TEKT5: variants seen among roughly 807,000 people sequenced by gnomAD.
The protein encoded by TEKT5 is tektin-5.
In TEKT5, 52 loss-of-function variants were observed where a neutral mutation model predicts 48.7. The ratio of observed to expected loss-of-function variants is 1.07; its 90% CI spans 0.86 to 1.35. The LOEUF (loss-of-function observed/expected upper bound fraction) is 1.35. TEKT5 is among the 40% of genes most tolerant of loss of function. The pLI, the probability that TEKT5 is intolerant of heterozygous loss-of-function variation, is 0.00. For missense variants in TEKT5, 831 were observed against 641.6 expected (o/e 1.30, Z -3.19); for synonymous variants, 318 against 267.6 (o/e 1.19, Z -1.84).
intron 5 of TEKT5, among the ~76,000 whole-genome samples, chr16:10,667,334 C>A (rs1898474859): frequency 6.6e-6 from 1 of 152,178 alleles, no homozygotes. Flanking sequence ...GAACTGTAAC[C>A]TAACTGGATG....
At position 10,694,763 on chromosome 16, in the gene TEKT5, C is replaced by T. The variant is rs915893411; in HGVS notation, c.111G>A (p.Gln37=). 9.9e-6 allele frequency: 16 copies of T among 1,614,082 alleles called. No individual in the cohort carries two copies. The highest frequency in any genetic ancestry group is 1.4e-5 in the Non-Finnish European group (16 of 1,179,980). ...AGCGGTACCCGGGCAGGTAGTAGGG[C>T]TGATAGCATTCCTGGATCACTGGCG... ...VQAPVIQECY[Q]PYYLPGYRYL... The change falls in exon 1 of 7, where the codon CAG becomes CAA. Residue 37 remains glutamine, a synonymous_variant. Transcript: ENST00000283025.
chr16:10,636,609 G>C (rs1185530455), intron 5 of TEKT5, among the ~76,000 whole-genome samples: 2 of 151,766 alleles, frequency 1.3e-5, no homozygotes, highest in African/African-American at 2.4e-5. Context: ...GATTGACAGA[G>C]ACTGTTAATC....
chr16:10,675,179 T>C (rs1175349658), intron 5 of TEKT5, among the ~76,000 whole-genome samples: 3 of 152,186 alleles, frequency 2.0e-5, no homozygotes, highest in Non-Finnish European at 2.9e-5. Context: ...TCCCTCTGAC[T>C]TGACTATCAT....
chr16:10,688,890 G>A (rs1056339609), intron 3 of TEKT5, among the ~76,000 whole-genome samples: 3 of 152,192 alleles, frequency 2.0e-5, no homozygotes, highest in African/African-American at 7.2e-5. Context: ...CTCAAATGGG[G>A]AAGCCACAGG....
chr16:10,643,380 T>TAA (rs796677368), intron 5 of TEKT5, among the ~76,000 whole-genome samples: 1 of 144,756 alleles, frequency 6.9e-6, no homozygotes, highest in African/African-American at 2.5e-5. Context: ...CTCCGTCTCT[T>TAA]AAAAAAAAAA....
chr16:10,664,358 A>T (rs1596410873), intron 5 of TEKT5, among the ~76,000 whole-genome samples: 1 of 152,330 alleles, frequency 6.6e-6, no homozygotes, highest in Non-Finnish European at 1.5e-5. Context: ...GTTAAAACTC[A>T]GATCGCTAGA....
At chr16:10,689,352 T>C (rs1049853107) in intron 2 of TEKT5, 29 bp from the exon 3 acceptor site, 3 of 1,587,350 alleles carry the variant, frequency 1.9e-6, no homozygotes, top group Admixed American at 1.7e-5. Flanking sequence ...GAAAGAGCAG[T>C]GCCTCTTAGA....
At chr16:10,637,211 T>C (rs8054342) in intron 5 of TEKT5, among the ~76,000 whole-genome samples, 27,348 of 151,396 alleles carry the variant, frequency 0.18, 2,892 homozygotes, top group African/African-American at 0.28. Context: ...GATTTTTGTA[T>C]TTTTAGTACA....
At chr16:10,659,491 T>G (rs1898323920) in intron 5 of TEKT5, among the ~76,000 whole-genome samples, 1 of 152,172 alleles carries the variant, frequency 6.6e-6, no homozygotes. Flanking sequence ...ACCATTCTCC[T>G]GCCTCAGCCT....
chr16:10,649,143 G>C (rs988860025), intron 5 of TEKT5, among the ~76,000 whole-genome samples: 2 of 151,898 alleles, frequency 1.3e-5, no homozygotes, highest in African/African-American at 4.8e-5. Context: ...TGTAGAAATT[G>C]GATCTCACTA....
chr16:10,648,041 C>T (rs1018048702), intron 5 of TEKT5, among the ~76,000 whole-genome samples: 2 of 152,338 alleles, frequency 1.3e-5, no homozygotes, highest in Admixed American at 1.3e-4. Flanking sequence ...CATCACAGAA[C>T]TCAAGTCCCT....
At chr16:10,646,594 A>ATT (rs574204697) in intron 5 of TEKT5, among the ~76,000 whole-genome samples, 2 of 151,232 alleles carry the variant, frequency 1.3e-5, no homozygotes, top group Non-Finnish European at 3.0e-5. Flanking sequence ...TTAAAACAGA[A>ATT]TTTTTTTTTT....
chr16:10,634,096 C>T (rs1216632243), intron 6 of TEKT5, among the ~76,000 whole-genome samples: 1 of 152,184 alleles, frequency 6.6e-6, no homozygotes, highest in Non-Finnish European at 1.5e-5. Context: ...AAGACCTGTG[C>T]TCCCTGCCCA....
At chr16:10,637,922 C>T (rs1316961548) in intron 5 of TEKT5, among the ~76,000 whole-genome samples, 2 of 152,142 alleles carry the variant, frequency 1.3e-5, no homozygotes, top group Non-Finnish European at 2.9e-5. Flanking sequence ...ATGATCTTCC[C>T]GCCTCAGCCT....
intron 3 of TEKT5, among the ~76,000 whole-genome samples, chr16:10,684,207 C>T (rs942276935): frequency 2.6e-5 from 4 of 152,170 alleles, no homozygotes; most frequent in African/African-American, 7.2e-5. Flanking sequence ...GAGTAACTTC[C>T]ATTAAGTGAG....
At chr16:10,644,626 C>T (rs946979611) in intron 5 of TEKT5, among the ~76,000 whole-genome samples, 2 of 152,154 alleles carry the variant, frequency 1.3e-5, no homozygotes, top group Non-Finnish European at 2.9e-5. Flanking sequence ...TGTCTCCAGA[C>T]CCTATGGGGG....
At chr16:10,641,614 G>A (rs1897995504) in intron 5 of TEKT5, among the ~76,000 whole-genome samples, 1 of 152,144 alleles carries the variant, frequency 6.6e-6, no homozygotes, top group Non-Finnish European at 1.5e-5. Context: ...GAGTCCAGGA[G>A]TTTGAGACCA....
At chr16:10,686,406 G>A (rs995615078) in intron 3 of TEKT5, among the ~76,000 whole-genome samples, 7 of 151,002 alleles carry the variant, frequency 4.6e-5, no homozygotes, top group Admixed American at 2.6e-4. Context: ...GCAGTGAGCT[G>A]AGATTGCACC....
At chr16:10,688,476 C>G (rs372886989) in intron 3 of TEKT5, among the ~76,000 whole-genome samples, 6 of 152,328 alleles carry the variant, frequency 3.9e-5, no homozygotes, top group Middle Eastern at 3.4e-3. Flanking sequence ...GTGCACCAGG[C>G]AGCGGGAGGG....
Sources: allele counts gnomAD v4.1 joint callset (sites outside exome capture counted in the v4.1 genomes callset), GRCh38; gene constraint gnomAD v4.1.1; transcripts MANE v1.5; gene names NCBI Gene and HGNC (gene_info 2026-07-23, HGNC 2026-07-21).